DOCK10: variants seen among roughly 807,000 people sequenced by gnomAD.
DOCK10 encodes dedicator of cytokinesis protein 10.
A neutral mutation model predicts 280.1 loss-of-function variants in DOCK10; 145 were observed. The observed-to-expected ratio is 0.52, with a 90% CI of 0.45 to 0.59. The LOEUF is 0.59. Ranked by LOEUF, DOCK10 falls within the 20% of genes least tolerant of loss-of-function variation. DOCK10 has a pLI of 0.00. For synonymous variants in DOCK10, 915 were observed against 942.2 expected (o/e 0.97, Z 0.53); for missense variants, 2,368 against 2,651.7 (o/e 0.89, Z 2.35).
At chr2:224,886,238 T>C in intron 5 of DOCK10, 53 bp from the exon 6 acceptor site, 2 of 1,603,208 alleles carry the variant, frequency 1.2e-6, no homozygotes, top group East Asian at 2.2e-5. Context: ...TCCTAGATCC[T>C]AGACACTGCA....
At chr2:224,965,702 T>G (rs13423719) in intron 1 of DOCK10, among the ~76,000 whole-genome samples, 34,966 of 152,144 alleles carry the variant, frequency 0.23, 4,446 homozygotes, top group Non-Finnish European at 0.28. Context: ...GCTCCATAAT[T>G]ATTAAGAAAT....
At chr2:224,823,128 C>T (rs529627731) in intron 28 of DOCK10, among the ~76,000 whole-genome samples, 6 of 151,728 alleles carry the variant, frequency 4.0e-5, no homozygotes, top group East Asian at 3.9e-4. Context: ...GCTAGGACTA[C>T]AGGCACGCAC....
At chr2:225,028,247 A>G (rs1354534913) in intron 1 of DOCK10, among the ~76,000 whole-genome samples, 1 of 152,146 alleles carries the variant, frequency 6.6e-6, no homozygotes, top group Admixed American at 6.5e-5. Context: ...GAGGGGCGCA[A>G]CATGTGAAGA....
In DOCK10 at chr2:224,970,133, G is replaced by T. The variant is rs1409639262; in HGVS notation, c.124-38465C>A. Reference sequence around the variant, plus strand: ...TAGTGGAGAACTGAAGGGTAGTCATGTGTGTCAAAACGTCTCCCCAGAATT... The same window carrying T: ...TAGTGGAGAACTGAAGGGTAGTCATTTGTGTCAAAACGTCTCCCCAGAATT... On this transcript the variant is annotated intron_variant, in intron 1 of 55. Coordinates refer to ENST00000258390, the MANE Select transcript of DOCK10 (RefSeq NM_014689.3). The surrounding 1 kb of genome is among the most constrained non-coding windows in gnomAD (Gnocchi z 4.6). Among the ~76,000 whole-genome samples, 2 of 152,232 alleles carry T rather than the reference G, an allele frequency of 1.3e-5. No individual in the cohort carries two copies. Among genetic ancestry groups the T allele is most frequent in the Non-Finnish European group, 1.5e-5 (1 of 68,044 alleles).
In DOCK10 at chr2:224,770,298, G is replaced by A; in HGVS notation, c.6357C>T (p.Ile2119=). The A allele has an allele frequency of 6.2e-7, 1 of 1,607,738 alleles. No homozygotes were observed. Among genetic ancestry groups the A allele is most frequent in the East Asian group, 2.2e-5 (1 of 44,728 alleles). ...CCTGGTACTCCAGCTGGTCCTCTTT[G>A]ATGAGGCGCTCATTCACGTCAAGGG... ...GQALDVNERL[I]KEDQLEYQEE... Residue 2119 remains isoleucine (I), a synonymous_variant, in exon 55 of 56, where the codon ATC becomes ATT. Transcript: ENST00000258390. The surrounding 1 kb of genome is among the most constrained non-coding windows in gnomAD (Gnocchi z 4.5).
rs181805633 is a variant in DOCK10, at chr2:224,922,546, A to G, written c.244-5762T>C. Among the ~76,000 whole-genome samples, 311 of 152,304 alleles carry G rather than the reference A, an allele frequency of 2.0e-3. 1 individual carries two copies. Among genetic ancestry groups the G allele is most frequent in the African/African-American group, 6.7e-3 (277 of 41,562 alleles). ...AATAAAAACTGTCCTGAAATGATGC[A>G]TGCAGGCCTGTGTTTATAGTTTCAG... is the stretch of plus-strand genomic sequence containing the variant. On this transcript the variant is annotated intron_variant, in intron 2 of 55. Transcript: ENST00000258390.
intron 7 of DOCK10, among the ~76,000 whole-genome samples, chr2:224,878,276 T>C (rs1372454138): frequency 6.6e-6 from 1 of 152,258 alleles, no homozygotes; most frequent in Non-Finnish European, 1.5e-5. Context: ...TTATGGTCAT[T>C]ATTTAATTTA....
chr2:224,808,547 T>C (rs1302825475), intron 31 of DOCK10, among the ~76,000 whole-genome samples: 2 of 152,008 alleles, frequency 1.3e-5, no homozygotes, highest in Non-Finnish European at 2.9e-5. Flanking sequence ...GGCACAGAAT[T>C]CTGAAAGCGC....
At chr2:224,958,519 G>A in intron 1 of DOCK10, among the ~76,000 whole-genome samples, 1 of 152,132 alleles carries the variant, frequency 6.6e-6, no homozygotes, top group East Asian at 1.9e-4. Context: ...TGTGCTCATT[G>A]TGTCTTGCAA....
intron 41 of DOCK10, among the ~76,000 whole-genome samples, chr2:224,798,844 G>A (rs922948054): frequency 4.6e-5 from 7 of 152,016 alleles, no homozygotes; most frequent in African/African-American, 1.7e-4. Flanking sequence ...ATATTGCCCA[G>A]GTTGGTCTTG....
chr2:224,953,399 A>T (rs900367721), intron 1 of DOCK10, among the ~76,000 whole-genome samples: 3 of 152,202 alleles, frequency 2.0e-5, no homozygotes, highest in African/African-American at 7.2e-5. Flanking sequence ...TCCATGGTGC[A>T]TCTGCAGGCT....
At chr2:224,869,088 G>T (rs768857672) in intron 11 of DOCK10, among the ~76,000 whole-genome samples, 1 of 152,076 alleles carries the variant, frequency 6.6e-6, no homozygotes, top group African/African-American at 2.4e-5. Flanking sequence ...CATCTGCAAA[G>T]CCTAACAAAT....
At chr2:224,783,770 G>A (rs753017941) in intron 50 of DOCK10, among the ~76,000 whole-genome samples, 43 of 151,304 alleles carry the variant, frequency 2.8e-4, no homozygotes, top group Admixed American at 6.6e-4. Flanking sequence ...TTTAGTAGGT[G>A]AGTTAAGGGC....
chr2:225,034,873 G>T (rs150890534), intron 1 of DOCK10, among the ~76,000 whole-genome samples: 3 of 152,296 alleles, frequency 2.0e-5, no homozygotes, highest in African/African-American at 7.2e-5. Flanking sequence ...CTGGTAGGAG[G>T]AGTAACATTC....
chr2:224,945,657 C>CTA (rs925224208), intron 1 of DOCK10, among the ~76,000 whole-genome samples: 2 of 151,402 alleles, frequency 1.3e-5, no homozygotes, highest in Non-Finnish European at 2.9e-5. Flanking sequence ...TATAAAGAGC[C>CTA]TATATATATG....
intron 2 of DOCK10, among the ~76,000 whole-genome samples, chr2:224,929,580 TG>T (rs1702212945): frequency 6.6e-6 from 1 of 152,224 alleles, no homozygotes; most frequent in African/African-American, 2.4e-5. Context: ...TTGAAGGCAG[TG>T]GGGGAGCCAC....
chr2:225,013,501 G>A (rs1295649411), intron 1 of DOCK10, among the ~76,000 whole-genome samples: 2 of 152,138 alleles, frequency 1.3e-5, no homozygotes, highest in Non-Finnish European at 2.9e-5. Context: ...AAGATCATGA[G>A]CAGAAAGTTC....
chr2:224,917,052 A>G (rs1362192148), intron 2 of DOCK10, among the ~76,000 whole-genome samples: 1 of 151,284 alleles, frequency 6.6e-6, no homozygotes, highest in African/African-American at 2.4e-5. Flanking sequence ...GCAGAAAACA[A>G]AAATTTAGGC....
intron 53 of DOCK10, among the ~76,000 whole-genome samples, chr2:224,772,789 AT>A (rs67466215): frequency 0.017 from 2,526 of 152,264 alleles, 63 homozygotes; most frequent in African/African-American, 0.054. Context: ...TCTTTTTTGG[AT>A]TTGTTTCAAA....
Sources: gnomAD v4.1 joint callset for allele counts (sites outside exome capture counted in the v4.1 genomes callset) on GRCh38, gnomAD v4.1.1 for gene constraint, Gnocchi (gnomAD v3.1) non-coding constraint, MANE v1.5 for transcripts, NCBI Gene and HGNC (gene_info 2026-07-23, HGNC 2026-07-21) for gene names.